The following TENM2 variants were observed in gnomAD, a reference collection of about 807,000 sequenced individuals.
The protein encoded by TENM2 is teneurin-2.
Under a neutral mutation model 245.2 loss-of-function variants are expected in TENM2, and 52 were observed. The ratio of observed to expected loss-of-function variants is 0.21; its 90% CI spans 0.17 to 0.27. TENM2 has a LOEUF of 0.27. TENM2 is among the 10% of genes least tolerant of loss of function. The pLI is 1.00. For missense variants in TENM2, 3,046 were observed against 3,666.8 expected, an observed-to-expected ratio of 0.83 and a Z score of 4.37; for synonymous variants, 1,363 against 1,438.9, an observed-to-expected ratio of 0.95 and a Z score of 1.19.
At chr5:167,495,513 TG>T (rs1768755970) in intron 2 of TENM2, among the ~76,000 whole-genome samples, 1 of 152,116 alleles carries the variant, frequency 6.6e-6, no homozygotes, top group African/African-American at 2.4e-5. Flanking sequence ...AGCTGGATTT[TG>T]CAAATTCTAG....
At chr5:168,204,727 G>C in intron 19 of TENM2, 106 bp downstream of exon 21, 1 of 1,420,758 alleles carries the variant, frequency 7.0e-7, no homozygotes, top group South Asian at 1.4e-5. Context: ...AGAAGATATA[G>C]TCCTTGTGAT....
At chr5:167,112,013 C>A in the TENM2 span, among the ~76,000 whole-genome samples, 5 of 152,216 alleles carry the variant, frequency 3.3e-5, no homozygotes, top group East Asian at 9.7e-4. Context: ...CTTTATTCTG[C>A]CATATTGTGA....
At chr5:167,094,361 G>T in the TENM2 span, among the ~76,000 whole-genome samples, 3 of 152,052 alleles carry the variant, frequency 2.0e-5, no homozygotes, top group East Asian at 5.8e-4. Flanking sequence ...GGAAACCATT[G>T]TTCTGCTTCT....
chr5:167,065,893 G>A, the TENM2 span, among the ~76,000 whole-genome samples: 1 of 152,148 alleles, frequency 6.6e-6, no homozygotes, highest in Non-Finnish European at 1.5e-5. Context: ...TCTTTCTTTT[G>A]TAGTTGTACT....
intron 7 of TENM2, among the ~76,000 whole-genome samples, chr5:168,086,971 C>T (rs1792512067): frequency 6.6e-6 from 1 of 152,304 alleles, no homozygotes; most frequent in Admixed American, 6.5e-5. Flanking sequence ...CAGATGGCCT[C>T]CTTGCAAGCC....
At chr5:167,482,554 A>G (rs1444734640) in intron 2 of TENM2, among the ~76,000 whole-genome samples, 3 of 152,154 alleles carry the variant, frequency 2.0e-5, no homozygotes, top group African/African-American at 7.2e-5. Context: ...AATTCAGTTG[A>G]GAAGTTGGAT....
At chr5:167,531,760 T>C (rs1242467253) in intron 2 of TENM2, among the ~76,000 whole-genome samples, 15 of 152,142 alleles carry the variant, frequency 9.9e-5, no homozygotes, top group Non-Finnish European at 1.5e-5. Flanking sequence ...CACTTATTAA[T>C]AAATAAACTA....
At chr5:167,611,516 G>C (rs750558092) in intron 2 of TENM2, among the ~76,000 whole-genome samples, 1 of 152,080 alleles carries the variant, frequency 6.6e-6, no homozygotes, top group Non-Finnish European at 1.5e-5. Context: ...GGGTTGAGAT[G>C]TTCATGCCAG....
chr5:168,057,301 G>A (rs967621349), intron 6 of TENM2, among the ~76,000 whole-genome samples: 1 of 140,768 alleles, frequency 7.1e-6, no homozygotes, highest in African/African-American at 2.7e-5. Context: ...TACCCCTGTC[G>A]CCTCGCCCAA....
chr5:168,177,105 A>G (rs1759431709), intron 13 of TENM2, among the ~76,000 whole-genome samples: 1 of 152,044 alleles, frequency 6.6e-6, no homozygotes, highest in South Asian at 2.1e-4. Context: ...GTGAACTCCG[A>G]CCTCCCAAAC....
At chr5:167,321,510 C>T (rs1234667081) in intron 1 of TENM2, among the ~76,000 whole-genome samples, 1 of 152,046 alleles carries the variant, frequency 6.6e-6, no homozygotes, top group Non-Finnish European at 1.5e-5. Context: ...AACTTTTTTG[C>T]CATGAATTTG....
chr5:167,415,084 C>T (rs1210302830), intron 2 of TENM2, among the ~76,000 whole-genome samples: 3 of 152,080 alleles, frequency 2.0e-5, no homozygotes, highest in Non-Finnish European at 4.4e-5. Flanking sequence ...TTTGCCAGGA[C>T]TCAGAGAACA....
At chr5:167,063,746 A>T in the TENM2 span, among the ~76,000 whole-genome samples, 50 of 152,168 alleles carry the variant, frequency 3.3e-4, no homozygotes, top group African/African-American at 1.1e-3. Flanking sequence ...TCTTCTTTTG[A>T]AATATGTGCA....
At chr5:167,972,913 C>G (rs1781900256) in intron 4 of TENM2, among the ~76,000 whole-genome samples, 1 of 152,196 alleles carries the variant, frequency 6.6e-6, no homozygotes, top group Non-Finnish European at 1.5e-5. Flanking sequence ...TCTCACTCCC[C>G]TTGGTTCTAG....
At chr5:167,517,114 C>T (rs1770434459) in intron 2 of TENM2, among the ~76,000 whole-genome samples, 1 of 152,164 alleles carries the variant, frequency 6.6e-6, no homozygotes, top group Non-Finnish European at 1.5e-5. Context: ...AGGGAAATAA[C>T]TTTAAAATGT....
At chr5:167,084,327 T>TTATACATATA in the TENM2 span, among the ~76,000 whole-genome samples, 1 of 23,170 alleles carries the variant, frequency 4.3e-5, no homozygotes, top group Non-Finnish European at 1.2e-4. Flanking sequence ...GCCATTTTAG[T>TTATACATATA]TATATATATA....
intron 2 of TENM2, among the ~76,000 whole-genome samples, chr5:167,530,944 T>A (rs1771454525): frequency 6.6e-6 from 1 of 152,132 alleles, no homozygotes. Flanking sequence ...CTGAAGAGGG[T>A]ACAGGACTGG....
At chr5:167,244,164 T>G in the TENM2 span, among the ~76,000 whole-genome samples, 5 of 152,322 alleles carry the variant, frequency 3.3e-5, no homozygotes, top group Non-Finnish European at 7.3e-5. Flanking sequence ...TTATGTGTTC[T>G]TCTAATGTTA....
chr5:167,736,624 T>TCTAATAA (rs764754923), intron 2 of TENM2, among the ~76,000 whole-genome samples: 9 of 149,900 alleles, frequency 6.0e-5, no homozygotes, highest in Non-Finnish European at 1.0e-4. Flanking sequence ...AAAACTCGAC[T>TCTAATAA]CTAATAAATG....
Sources: gnomAD v4.1 joint callset for allele counts (sites outside exome capture counted in the v4.1 genomes callset) on GRCh38, gnomAD v4.1.1 for gene constraint, MANE v1.5 for transcripts, NCBI Gene and HGNC (gene_info 2026-07-23, HGNC 2026-07-21) for gene names.